Variants in RYR3 observed in about 807,000 individuals in gnomAD.
RYR3 encodes ryanodine receptor 3.
RYR3 carries 207 observed loss-of-function variants against 584.3 expected under a neutral mutation model. The ratio of observed to expected loss-of-function variants is 0.35; its 90% confidence interval spans 0.32 to 0.40. The LOEUF is 0.40. RYR3 is among the 10% of genes least tolerant of loss of function. The pLI is 1.00. For missense variants in RYR3, 5,616 were observed against 6,089.2 expected, an observed-to-expected ratio of 0.92 and a Z score of 2.59; for synonymous variants, 2,416 against 2,248.5, an observed-to-expected ratio of 1.07 and a Z score of -2.11.
At chr15:33,856,566 A>G (rs2079683147) in intron 98 of RYR3, 1 of 152,310 alleles carries the variant, frequency 6.6e-6, no homozygotes, top group Admixed American at 6.5e-5. Flanking sequence ...AGTAACTTCA[A>G]AGTTGTGACA....
chr15:33,464,489 T>TATATATATATATATACACAC lies in RYR3; in HGVS notation c.52-8929_52-8928insTATATATATATATACACACA, dbSNP rs1450450145. On this transcript the variant is annotated intron_variant, in intron 1 of 103. Transcript: ENST00000634891. ...ATATATATATATATATATATATATA[T>TATATATATATATATACACAC]ACACATATATATATACATACACATA... 1.1e-3 allele frequency among the ~76,000 whole-genome samples: 74 copies of TATATATATATATATACACAC among 67,440 alleles called. 2 individuals carry two copies. The highest frequency in any genetic ancestry group is 6.2e-3 in the African/African-American group (74 of 11,998). 44.2% of individuals were successfully genotyped at this position (67,440 alleles called of 152,430 possible).
chr15:33,760,554 C>G (rs1358881617), intron 60 of RYR3, among the ~76,000 whole-genome samples: 1 of 152,202 alleles, frequency 6.6e-6, no homozygotes, highest in Non-Finnish European at 1.5e-5. Context: ...GAAGAGCTAA[C>G]TATCCTAAAT....
intron 91 of RYR3, 145 bp from the exon 92 acceptor site, chr15:33,843,343 C>G: frequency 3.4e-6 from 2 of 586,432 alleles, no homozygotes; most frequent in Non-Finnish European, 6.1e-6. Flanking sequence ...GAAAAGAATG[C>G]CAGGGTTACC....
chr15:33,811,329 C>T (rs567224703), intron 72 of RYR3, among the ~76,000 whole-genome samples: 1 of 151,926 alleles, frequency 6.6e-6, no homozygotes, highest in Non-Finnish European at 1.5e-5. Context: ...CACGGTGAAA[C>T]CCCGTCTGTA....
chr15:33,467,507 T>C, intron 1 of RYR3: 1 of 983,216 alleles, frequency 1.0e-6, no homozygotes, highest in Non-Finnish European at 1.2e-6. Flanking sequence ...AAGAAAGCTG[T>C]AAGGATAAAA....
chr15:33,756,377 AGT>A lies in RYR3; in HGVS notation c.8583+6_8583+7del. On this transcript the variant is annotated splice_donor_5th_base_variant and intron_variant, in intron 59 of 103. Transcript: ENST00000634891. The stretch of plus-strand genomic sequence containing the variant: ...GGAGATCAAATTCTTTGCCAAAGTA[AGT>A]GGCCCTGCACTTAATCAAATTACTT... 6.4e-7 allele frequency: 1 copy of A among 1,565,876 alleles called. No individual in the cohort carries two copies. Among genetic ancestry groups the A allele is most frequent in the Non-Finnish European group, 8.7e-7 (1 of 1,152,690 alleles).
intron 15 of RYR3, 39 bp downstream of exon 15, chr15:33,584,529 G>C: frequency 1.1e-6 from 1 of 932,864 alleles, no homozygotes; most frequent in Non-Finnish European, 1.6e-6. Flanking sequence ...AAAAGATGAA[G>C]GGTTTTTTTT....
chr15:33,503,752 TTG>T lies in RYR3; in HGVS notation c.279+18_279+19del. The stretch of plus-strand genomic sequence containing the variant: ...GGCGGCGAAGGGGTGAGTACCCGAA[TTG>T]TGTCCTAGGTTGGGATTGGGGTGCA... On this transcript the variant is annotated intron_variant, in intron 3 of 103. Coordinates refer to ENST00000634891, the MANE Select transcript of RYR3 (RefSeq NM_001036.6). 3 of 1,550,492 alleles carry T rather than the reference TTG, an allele frequency of 1.9e-6. No homozygotes were observed. Among genetic ancestry groups the T allele is most frequent in the Non-Finnish European group, 2.7e-6 (3 of 1,127,138 alleles).
chr15:33,445,223 G>A (rs1339588349), intron 1 of RYR3, among the ~76,000 whole-genome samples: 1 of 152,178 alleles, frequency 6.6e-6, no homozygotes, highest in Non-Finnish European at 1.5e-5. Flanking sequence ...ACTTAGCAGT[G>A]AGGGTGATGC....
chr15:33,656,578 A>G (rs2062835310), intron 32 of RYR3, among the ~76,000 whole-genome samples: 2 of 152,154 alleles, frequency 1.3e-5, no homozygotes, highest in South Asian at 4.1e-4. Context: ...TTGACTGGGT[A>G]CTCAGATTCT....
chr15:33,586,265 A>G (rs1031105335), intron 16 of RYR3, 149 bp downstream of exon 16: 1 of 635,784 alleles, frequency 1.6e-6, no homozygotes, highest in Non-Finnish European at 2.8e-6. Context: ...TTCCCCGCAT[A>G]CAAGCACTCT....
chr15:33,571,740 A>T (rs1424160636), intron 12 of RYR3, among the ~76,000 whole-genome samples: 1 of 152,202 alleles, frequency 6.6e-6, no homozygotes, highest in Non-Finnish European at 1.5e-5. Context: ...ATTTTTTAAA[A>T]TAGTCTGACA....
intron 1 of RYR3, among the ~76,000 whole-genome samples, chr15:33,454,356 C>G (rs547261240): frequency 1.3e-5 from 2 of 152,202 alleles, no homozygotes; most frequent in East Asian, 1.9e-4. Flanking sequence ...TACCTACTTT[C>G]CCCATACAGT....
chr15:33,325,622 C>CCTTTT (rs1385134473), intron 1 of RYR3, among the ~76,000 whole-genome samples: 1 of 151,808 alleles, frequency 6.6e-6, no homozygotes, highest in African/African-American at 2.4e-5. Flanking sequence ...TCCTTTCTTT[C>CCTTTT]CTTTTCTTTT....
intron 16 of RYR3, among the ~76,000 whole-genome samples, chr15:33,595,201 G>A (rs2059311610): frequency 6.6e-6 from 1 of 152,156 alleles, no homozygotes. Context: ...GATAATTCAA[G>A]CATTTCAAAA....
chr15:33,644,589 C>G (rs1479348804), intron 28 of RYR3, 70 bp downstream of exon 28: 1 of 1,178,606 alleles, frequency 8.5e-7, no homozygotes, highest in Non-Finnish European at 1.2e-6. Flanking sequence ...CCCTAAGTCT[C>G]CTGTCAACAG....
chr15:33,575,320 T>C (rs1255428841), intron 12 of RYR3, among the ~76,000 whole-genome samples: 1 of 152,334 alleles, frequency 6.6e-6, no homozygotes, highest in Non-Finnish European at 1.5e-5. Flanking sequence ...CAACAGAATA[T>C]ACATTCTTCT....
At chr15:33,665,679 C>T (rs578188510) in intron 36 of RYR3, among the ~76,000 whole-genome samples, 1 of 152,352 alleles carries the variant, frequency 6.6e-6, no homozygotes, top group African/African-American at 2.4e-5. Flanking sequence ...CCATTTAGAT[C>T]CACTGCCAGT....
At chr15:33,717,184 C>T (rs2067558239) in intron 43 of RYR3, among the ~76,000 whole-genome samples, 2 of 152,178 alleles carry the variant, frequency 1.3e-5, no homozygotes, top group South Asian at 2.1e-4. Flanking sequence ...TTGAATTCCA[C>T]GTATACACTG....
Sources: gnomAD v4.1 joint callset for allele counts (sites outside exome capture counted in the v4.1 genomes callset) on GRCh38, gnomAD v4.1.1 for gene constraint, MANE v1.5 for transcripts, NCBI Gene and HGNC (gene_info 2026-07-23, HGNC 2026-07-21) for gene names.